The following CAMKMT variants were observed in gnomAD, a reference collection of about 807,000 sequenced individuals.
CAMKMT encodes CaM KMT.
A neutral mutation model predicts 48.0 loss-of-function variants in CAMKMT; 53 were observed. The observed-to-expected ratio is 1.10, with a 90% confidence interval of 0.89 to 1.39. The LOEUF (loss-of-function observed/expected upper bound fraction) is 1.39. Among genes scored for constraint, CAMKMT ranks in the 40% most tolerant of loss-of-function variants. CAMKMT has a pLI of 0.00. For missense variants in CAMKMT, 428 were observed against 402.7 expected (o/e 1.06, Z -0.54); for synonymous variants, 165 against 152.3 (o/e 1.08, Z -0.61).
chr2:44,553,402 C>T (rs973884040), intron 3 of CAMKMT, among the ~76,000 whole-genome samples: 1 of 151,526 alleles, frequency 6.6e-6, no homozygotes, highest in Non-Finnish European at 1.5e-5. Context: ...GCTCTGTCAC[C>T]CAGGCTGGAG....
chr2:44,383,501 C>T (rs1191500061), intron 2 of CAMKMT, among the ~76,000 whole-genome samples: 1 of 151,902 alleles, frequency 6.6e-6, no homozygotes, highest in Non-Finnish European at 1.5e-5. Flanking sequence ...CATTTTTTTC[C>T]ATAAGTTATT....
At chr2:44,528,115 A>G (rs970595111) in intron 3 of CAMKMT, among the ~76,000 whole-genome samples, 6 of 152,132 alleles carry the variant, frequency 3.9e-5, no homozygotes, top group African/African-American at 1.4e-4. Flanking sequence ...ATGTAGTCAA[A>G]ATTCCCAGTC....
chr2:44,750,723 C>G (rs1222996676), intron 8 of CAMKMT, among the ~76,000 whole-genome samples: 1 of 152,032 alleles, frequency 6.6e-6, no homozygotes, highest in Admixed American at 6.6e-5. Context: ...CAAAGAAATG[C>G]AAAGATGAGG....
intron 3 of CAMKMT, among the ~76,000 whole-genome samples, chr2:44,480,959 A>T (rs979302725): frequency 6.6e-6 from 1 of 152,104 alleles, no homozygotes; most frequent in Non-Finnish European, 1.5e-5. Context: ...TTTGGATCAT[A>T]TAAATAGGAG....
chr2:44,549,176 A>G (rs1667569847), intron 3 of CAMKMT, among the ~76,000 whole-genome samples: 1 of 152,008 alleles, frequency 6.6e-6, no homozygotes, highest in Non-Finnish European at 1.5e-5. Context: ...AATGTTCTAT[A>G]TTCATTTGCC....
intron 3 of CAMKMT, among the ~76,000 whole-genome samples, chr2:44,435,020 C>T (rs534929216): frequency 3.9e-5 from 6 of 152,220 alleles, no homozygotes; most frequent in Admixed American, 3.9e-4. Flanking sequence ...CAAATATGAG[C>T]ATCGTTAGGT....
chr2:44,486,453 A>G (rs904796341), intron 3 of CAMKMT, among the ~76,000 whole-genome samples: 1 of 152,132 alleles, frequency 6.6e-6, no homozygotes, highest in Non-Finnish European at 1.5e-5. Flanking sequence ...GCAGTCTGGA[A>G]TGTGGATAAG....
At chr2:44,434,907 A>G (rs10514791) in intron 3 of CAMKMT, among the ~76,000 whole-genome samples, 8,355 of 152,260 alleles carry the variant, frequency 0.055, 277 homozygotes, top group South Asian at 0.13. Context: ...TAGCATGTTA[A>G]TCACAATTTG....
At chr2:44,490,657 A>T (rs1669452285) in intron 3 of CAMKMT, among the ~76,000 whole-genome samples, 1 of 152,126 alleles carries the variant, frequency 6.6e-6, no homozygotes. Flanking sequence ...CATGTACTTG[A>T]AAGTTATATG....
chr2:44,530,627 G>A (rs750482788), intron 3 of CAMKMT, among the ~76,000 whole-genome samples: 1 of 152,032 alleles, frequency 6.6e-6, no homozygotes, highest in Admixed American at 6.6e-5. Context: ...CAAAGCATGT[G>A]CAATATCACT....
intron 10 of CAMKMT, 125 bp from the exon 11 acceptor site, chr2:44,771,911 T>C: frequency 1.5e-6 from 1 of 660,692 alleles, no homozygotes; most frequent in South Asian, 2.0e-5. Flanking sequence ...TGCTTTTCTG[T>C]GATTTATTTT....
At chr2:44,548,719 G>A (rs982051588) in intron 3 of CAMKMT, among the ~76,000 whole-genome samples, 2 of 152,152 alleles carry the variant, frequency 1.3e-5, no homozygotes, top group Non-Finnish European at 2.9e-5. Context: ...AGGCAGCTAC[G>A]TAGCAAGGAA....
chr2:44,362,299 C>G (rs1267985480), intron 1 of CAMKMT, among the ~76,000 whole-genome samples, 154 bp downstream of exon 1: 2 of 152,178 alleles, frequency 1.3e-5, no homozygotes, highest in Non-Finnish European at 2.9e-5. Context: ...CTCGCTTCAC[C>G]TAAGCGTCCC....
intron 1 of CAMKMT, among the ~76,000 whole-genome samples, chr2:44,364,833 G>A (rs75313851): frequency 0.091 from 13,807 of 152,182 alleles, 844 homozygotes; most frequent in African/African-American, 0.16. Flanking sequence ...CTAGTGGGCT[G>A]AAGTCCTCAT....
chr2:44,440,290 A>T (rs1427827902), intron 3 of CAMKMT, among the ~76,000 whole-genome samples: 2 of 152,182 alleles, frequency 1.3e-5, no homozygotes, highest in African/African-American at 2.4e-5. Context: ...CCTCAGGGAA[A>T]TCACACAAAG....
At chr2:44,382,237 A>G (rs377732075) in intron 2 of CAMKMT, among the ~76,000 whole-genome samples, 17 of 151,626 alleles carry the variant, frequency 1.1e-4, no homozygotes, top group African/African-American at 4.1e-4. Flanking sequence ...GTCATCTTGC[A>G]TTTTGGAGGT....
chr2:44,677,254 T>C (rs1675754293), intron 3 of CAMKMT, among the ~76,000 whole-genome samples: 1 of 152,224 alleles, frequency 6.6e-6, no homozygotes, highest in South Asian at 2.1e-4. Flanking sequence ...AGCTTATTCC[T>C]AACTTTGAGT....
chr2:44,493,806 G>T (rs982789209), intron 3 of CAMKMT, among the ~76,000 whole-genome samples: 46 of 152,134 alleles, frequency 3.0e-4, no homozygotes, highest in African/African-American at 1.1e-3. Flanking sequence ...AAATTGTAAT[G>T]ACTAAGTGCA....
rs936169269 is a variant in CAMKMT, at chr2:44,430,416, C to G, written c.376+40111C>G. Among the ~76,000 whole-genome samples the G allele has an allele frequency of 3.3e-5, 5 of 151,728 alleles. No individual in the cohort carries two copies. The East Asian group carries it at 7.7e-4, about 23-fold the overall frequency. ...AAGTGAAATGTTGAGAAGGCAGCCT[C>G]TCATCAGTGGACAAACAATGCCTAA... On this transcript the variant is annotated intron_variant, in intron 3 of 10. Coordinates refer to ENST00000378494, the MANE Select transcript of CAMKMT (RefSeq NM_024766.5).
Sources: gnomAD v4.1 joint callset for allele counts (sites outside exome capture counted in the v4.1 genomes callset) on GRCh38, gnomAD v4.1.1 for gene constraint, MANE v1.5 for transcripts, NCBI Gene and HGNC (gene_info 2026-07-23, HGNC 2026-07-21) for gene names.